CACNA2D3: variants seen among roughly 807,000 people sequenced by gnomAD.
CACNA2D3 encodes calcium voltage-gated channel auxiliary subunit alpha2delta 3, also known as voltage-dependent calcium channel subunit alpha-2/delta-3.
Under a neutral mutation model 160.6 loss-of-function variants are expected in CACNA2D3, and 60 were observed. That is an observed-to-expected ratio of 0.37 (90% CI 0.30 to 0.46). CACNA2D3 has a LOEUF of 0.46. Ranked by LOEUF, CACNA2D3 falls within the 20% of genes least tolerant of loss-of-function variation. The pLI is 1.00. For synonymous variants in CACNA2D3, 558 were observed against 492.9 expected (o/e 1.13, Z -1.75); for missense variants, 1,205 against 1,365.0 (o/e 0.88, Z 1.85).
At chr3:54,784,320 A>G (rs927548944) in intron 13 of CACNA2D3, among the ~76,000 whole-genome samples, 19 of 152,218 alleles carry the variant, frequency 1.2e-4, no homozygotes, top group Non-Finnish European at 2.5e-4. Context: ...TCCAGGAAGC[A>G]GGCCAATTAA....
chr3:54,673,561 G>A (rs1700193956), intron 11 of CACNA2D3, among the ~76,000 whole-genome samples: 1 of 152,132 alleles, frequency 6.6e-6, no homozygotes, highest in African/African-American at 2.4e-5. Context: ...AAACTTAGAT[G>A]AGTTAATGAC....
intron 11 of CACNA2D3, among the ~76,000 whole-genome samples, chr3:54,722,850 C>G (rs1701195002): frequency 6.6e-6 from 1 of 151,684 alleles, no homozygotes; most frequent in Non-Finnish European, 1.5e-5. Context: ...AGAGGTGTCT[C>G]CCAGTCAGGA....
chr3:54,823,965 T>C (rs1703695202), intron 14 of CACNA2D3, among the ~76,000 whole-genome samples: 1 of 152,218 alleles, frequency 6.6e-6, no homozygotes, highest in African/African-American at 2.4e-5. Flanking sequence ...ATAAATACAC[T>C]AAATGAAATA....
intron 4 of CACNA2D3, among the ~76,000 whole-genome samples, chr3:54,392,613 C>G (rs115110247): frequency 0.015 from 2,332 of 152,028 alleles, 53 homozygotes; most frequent in African/African-American, 0.052. Flanking sequence ...CCTCACCAAG[C>G]TGGAAGAGCC....
At chr3:54,768,373 A>T (rs1027634206) in intron 13 of CACNA2D3, among the ~76,000 whole-genome samples, 1 of 152,184 alleles carries the variant, frequency 6.6e-6, no homozygotes, top group African/African-American at 2.4e-5. Context: ...CTCACGGCAG[A>T]TATAAGTTCA....
chr3:54,569,563 C>T (rs565739335), intron 6 of CACNA2D3, among the ~76,000 whole-genome samples: 3 of 152,308 alleles, frequency 2.0e-5, no homozygotes, highest in Non-Finnish European at 1.5e-5. Flanking sequence ...AAAAACATCT[C>T]CACTCTCTGC....
chr3:54,471,880 A>G (rs193007832), intron 4 of CACNA2D3, among the ~76,000 whole-genome samples: 22 of 152,324 alleles, frequency 1.4e-4, no homozygotes, highest in African/African-American at 4.8e-4. Flanking sequence ...ACAGAGTAGT[A>G]ACAAGTTCTG....
At position 54,413,414 on chromosome 3, in the gene CACNA2D3, A is replaced by C. The variant is rs1559474757; in HGVS notation, c.381+26640A>C. ...TATATATATCTATATATATCTATAT[A>C]TATAGATATCTATATATATATATAT... On this transcript the variant is annotated intron_variant, in intron 4 of 37. Coordinates refer to ENST00000474759, the MANE Select transcript of CACNA2D3 (RefSeq NM_018398.3). 5.4e-5 allele frequency among the ~76,000 whole-genome samples: 8 copies of C among 146,912 alleles called. No homozygotes were observed. The South Asian group carries it at 6.3e-4, about 12-fold the overall frequency.
intron 11 of CACNA2D3, among the ~76,000 whole-genome samples, chr3:54,686,330 C>G (rs1348019997): frequency 6.6e-6 from 1 of 152,218 alleles, no homozygotes; most frequent in African/African-American, 2.4e-5. Flanking sequence ...CCTGAACTAA[C>G]AACCTCTTCA....
intron 35 of CACNA2D3, among the ~76,000 whole-genome samples, chr3:55,065,112 G>A (rs1704606047): frequency 6.6e-6 from 1 of 152,152 alleles, no homozygotes; most frequent in South Asian, 2.1e-4. Flanking sequence ...TCACAAAGGG[G>A]TGCCTACTTC....
At chr3:55,074,000 T>G in intron 37 of CACNA2D3, 114 bp from the exon 38 acceptor site, 1 of 1,106,014 alleles carries the variant, frequency 9.0e-7, no homozygotes, top group South Asian at 1.3e-5. Context: ...TGCACCATCA[T>G]CTAGGTCCCA....
chr3:54,280,399 A>G (rs1333976287), intron 2 of CACNA2D3, among the ~76,000 whole-genome samples: 3 of 152,100 alleles, frequency 2.0e-5, no homozygotes, highest in Non-Finnish European at 4.4e-5. Context: ...CATTTAATAC[A>G]TATTTATTAA....
At chr3:54,695,071 G>A (rs779951709) in intron 11 of CACNA2D3, among the ~76,000 whole-genome samples, 7 of 152,100 alleles carry the variant, frequency 4.6e-5, no homozygotes, top group Admixed American at 2.0e-4. Context: ...AGGCTGGAGT[G>A]CAATGGCACA....
At chr3:54,589,199 G>C (rs1702815105) in intron 9 of CACNA2D3, among the ~76,000 whole-genome samples, 1 of 151,990 alleles carries the variant, frequency 6.6e-6, no homozygotes, top group African/African-American at 2.4e-5. Context: ...ATAGAATAGA[G>C]AACACAAGAC....
intron 3 of CACNA2D3, among the ~76,000 whole-genome samples, chr3:54,353,881 T>C (rs1698606064): frequency 6.6e-6 from 1 of 152,092 alleles, no homozygotes; most frequent in Non-Finnish European, 1.5e-5. Flanking sequence ...TGATGCTTGG[T>C]TCTGTACTAA....
intron 35 of CACNA2D3, among the ~76,000 whole-genome samples, chr3:55,035,015 A>G (rs1703782601): frequency 6.6e-6 from 1 of 152,110 alleles, no homozygotes; most frequent in African/African-American, 2.4e-5. Context: ...GGGACATAAG[A>G]TATAACTTTT....
intron 14 of CACNA2D3, among the ~76,000 whole-genome samples, chr3:54,821,589 A>G (rs1703592360): frequency 6.6e-6 from 1 of 151,998 alleles, no homozygotes; most frequent in Non-Finnish European, 1.5e-5. Flanking sequence ...TTCCTTGTTT[A>G]TATTATATTT....
intron 35 of CACNA2D3, among the ~76,000 whole-genome samples, chr3:55,018,815 A>G (rs1703384344): frequency 6.6e-6 from 1 of 151,910 alleles, no homozygotes; most frequent in African/African-American, 2.4e-5. Flanking sequence ...TCAATTGGAC[A>G]GTTCCCGTCT....
intron 14 of CACNA2D3, among the ~76,000 whole-genome samples, chr3:54,821,661 TTTCTTTCTTTC>T (rs1233741612): frequency 6.7e-5 from 7 of 104,736 alleles, no homozygotes; most frequent in African/African-American, 2.4e-4. Flanking sequence ...TCTTTCTTTC[TTTCTTTCTTTC>T]TTTCTTTCTT....
Sources: gnomAD v4.1 joint callset for allele counts (sites outside exome capture counted in the v4.1 genomes callset) on GRCh38, gnomAD v4.1.1 for gene constraint, MANE v1.5 for transcripts, NCBI Gene and HGNC (gene_info 2026-07-23, HGNC 2026-07-21) for gene names.